The following B3GLCT variants were observed in gnomAD, a reference collection of about 807,000 sequenced individuals.
B3GLCT encodes the protein beta 3-glucosyltransferase, also known as beta-1,3-glucosyltransferase.
A neutral mutation model predicts 63.4 loss-of-function variants in B3GLCT; 65 were observed. The observed-to-expected ratio is 1.03, with a 90% CI of 0.84 to 1.26. The LOEUF is 1.26. B3GLCT is among the 50% of genes most tolerant of loss of function. B3GLCT has a pLI of 0.00. For synonymous variants in B3GLCT, 233 were observed against 219.2 expected, an observed-to-expected ratio of 1.06 and a Z score of -0.55; for missense variants, 577 against 604.8, an observed-to-expected ratio of 0.95 and a Z score of 0.48.
At chr13:31,221,675 C>T (rs1566046688) in intron 2 of B3GLCT, among the ~76,000 whole-genome samples, 1 of 152,210 alleles carries the variant, frequency 6.6e-6, no homozygotes, top group Non-Finnish European at 1.5e-5. Context: ...CGAGTGTTGT[C>T]ATGGTCCCTT....
At chr13:31,279,473 T>G (rs1240800252) in intron 10 of B3GLCT, among the ~76,000 whole-genome samples, 1 of 152,120 alleles carries the variant, frequency 6.6e-6, no homozygotes, top group Non-Finnish European at 1.5e-5. Flanking sequence ...GTTGGCAGGT[T>G]CTGTGATGCC....
At chr13:31,204,851 G>A (rs1868865146) in intron 1 of B3GLCT, among the ~76,000 whole-genome samples, 1 of 152,122 alleles carries the variant, frequency 6.6e-6, no homozygotes. Context: ...TGGGGGAAAG[G>A]ATGAGTCATA....
In B3GLCT at chr13:31,297,377, T is replaced by G. The variant is rs1043332229; in HGVS notation, c.1064+10558T>G. Among the ~76,000 whole-genome samples the G allele has an allele frequency of 4.4e-3, 552 of 124,396 alleles. 4 individuals carry two copies. The highest frequency in any genetic ancestry group is 7.0e-3 in the Non-Finnish European group (428 of 61,274). 81.6% of individuals were successfully genotyped at this position (124,396 alleles called of 152,430 possible). A position where few individuals can be genotyped will look rare whatever the true frequency, so the allele number is the denominator to read the frequency against. ...TTGTCAACCCCATTATTTTCTGGGTTTTTTTTTTTTTTTTTTTGATAGTCG... is the reference window on the plus strand; with the variant it reads ...TTGTCAACCCCATTATTTTCTGGGTGTTTTTTTTTTTTTTTTTGATAGTCG... On this transcript the variant is annotated intron_variant, in intron 12 of 14. Transcript: ENST00000343307.
chr13:31,320,917 A>C (rs1875300877), intron 13 of B3GLCT, among the ~76,000 whole-genome samples: 1 of 152,178 alleles, frequency 6.6e-6, no homozygotes, highest in African/African-American at 2.4e-5. Context: ...TTTACTCTTG[A>C]ATGCCTTTAG....
chr13:31,274,174 A>G (rs1872681628), intron 8 of B3GLCT, among the ~76,000 whole-genome samples: 1 of 152,224 alleles, frequency 6.6e-6, no homozygotes. Flanking sequence ...TGTGATTACC[A>G]TACTAAGGAA....
intron 8 of B3GLCT, among the ~76,000 whole-genome samples, chr13:31,270,989 C>T (rs1374663663): frequency 6.6e-6 from 1 of 152,182 alleles, no homozygotes; most frequent in East Asian, 1.9e-4. Flanking sequence ...ACCAGGGCCC[C>T]TACACACGAG....
At chr13:31,234,924 G>A (rs913088823) in intron 4 of B3GLCT, among the ~76,000 whole-genome samples, 1 of 152,116 alleles carries the variant, frequency 6.6e-6, no homozygotes. Flanking sequence ...GTGGCCTTAG[G>A]GAGAATGGCA....
chr13:31,209,284 C>T (rs1351275335), intron 1 of B3GLCT, among the ~76,000 whole-genome samples: 2 of 152,124 alleles, frequency 1.3e-5, no homozygotes, highest in African/African-American at 4.8e-5. Flanking sequence ...TTGTTTCTGT[C>T]CCTCTGCTAC....
At chr13:31,299,359 A>C (rs954180285) in intron 12 of B3GLCT, among the ~76,000 whole-genome samples, 10 of 152,202 alleles carry the variant, frequency 6.6e-5, no homozygotes, top group Admixed American at 2.6e-4. Flanking sequence ...ACGATTGGCC[A>C]TACAAATCCA....
intron 7 of B3GLCT, among the ~76,000 whole-genome samples, chr13:31,264,191 A>C (rs1174746940): frequency 4.6e-5 from 7 of 152,134 alleles, no homozygotes; most frequent in South Asian, 4.1e-4. Flanking sequence ...GAGGGGTAGG[A>C]CTTCAGCCTA....
chr13:31,235,545 A>G (rs1237756627), intron 4 of B3GLCT, among the ~76,000 whole-genome samples: 1 of 151,752 alleles, frequency 6.6e-6, no homozygotes. Context: ...CAGTAATGCG[A>G]CATTCTCTGG....
intron 10 of B3GLCT, among the ~76,000 whole-genome samples, chr13:31,277,191 T>C (rs888523839): frequency 6.6e-6 from 1 of 152,180 alleles, no homozygotes; most frequent in East Asian, 1.9e-4. Flanking sequence ...TCTTTTTCAA[T>C]TTATTTCAAA....
At chr13:31,251,174 A>G (rs1871410425) in intron 6 of B3GLCT, among the ~76,000 whole-genome samples, 1 of 152,202 alleles carries the variant, frequency 6.6e-6, no homozygotes. Context: ...ATCAACATCA[A>G]CAAAAAGGAC....
rs8000871 is a variant in B3GLCT, at chr13:31,293,110, G to A, written c.1064+6291G>A. Among the ~76,000 whole-genome samples the A allele has an allele frequency of 5.5e-3, 841 of 152,222 alleles. 12 individuals are homozygous for A. The highest frequency in any genetic ancestry group is 0.019 in the African/African-American group (804 of 41,530). Reference sequence around the variant, plus strand: ...TTGTTCAGTTTCCATGCAGTTTTGCGGTTTTGAGTGAGTTTCTTAAATCCT... The same window carrying A: ...TTGTTCAGTTTCCATGCAGTTTTGCAGTTTTGAGTGAGTTTCTTAAATCCT... On this transcript the variant is annotated intron_variant, in intron 12 of 14. Coordinates refer to ENST00000343307, the MANE Select transcript of B3GLCT (RefSeq NM_194318.4).
chr13:31,228,838 T>C (rs1038035864), intron 3 of B3GLCT, among the ~76,000 whole-genome samples: 2 of 152,222 alleles, frequency 1.3e-5, no homozygotes, highest in East Asian at 3.9e-4. Context: ...AAAAAGCTAC[T>C]TGTGAAAGTT....
chr13:31,229,077 G>A (rs1484918413), intron 3 of B3GLCT, 108 bp from the exon 4 acceptor site: 1 of 734,966 alleles, frequency 1.4e-6, no homozygotes, highest in Non-Finnish European at 2.4e-6. Context: ...CCCATTAAGA[G>A]TTTACTGCCT....
chr13:31,203,890 C>T (rs1192955203), intron 1 of B3GLCT, among the ~76,000 whole-genome samples: 2 of 152,192 alleles, frequency 1.3e-5, no homozygotes. Flanking sequence ...TAGGCGTTGA[C>T]TTGAACTACT....
At chr13:31,232,314 C>G (rs1870419197) in intron 4 of B3GLCT, among the ~76,000 whole-genome samples, 1 of 152,154 alleles carries the variant, frequency 6.6e-6, no homozygotes, top group Non-Finnish European at 1.5e-5. Context: ...GTTCCATAGG[C>G]TGTACAGGAA....
In B3GLCT at chr13:31,331,661, G is replaced by A. The variant is rs1875931653; in HGVS notation, c.*1993G>A. On this transcript the variant is annotated 3_prime_UTR_variant, in exon 15 of 15. Transcript: ENST00000343307. ...TTAAAGAGAGAATAATTACTTCAGAGCTACCCTTTTAAGAGAAAACCATCA... is the reference window on the plus strand; with the variant it reads ...TTAAAGAGAGAATAATTACTTCAGAACTACCCTTTTAAGAGAAAACCATCA... The A allele has an allele frequency of 6.6e-6, 1 of 152,200 alleles. No individual in the cohort carries two copies. The highest frequency in any genetic ancestry group is 6.5e-5 in the Admixed American group (1 of 15,282). 9.4% of individuals were successfully genotyped at this position (152,200 alleles called of 1,614,324 possible).
Sources: gnomAD v4.1 joint callset for allele counts (sites outside exome capture counted in the v4.1 genomes callset) on GRCh38, gnomAD v4.1.1 for gene constraint, MANE v1.5 for transcripts, NCBI Gene and HGNC (gene_info 2026-07-23, HGNC 2026-07-21) for gene names.